Variants in MARCHF1 observed in about 807,000 individuals in gnomAD.
MARCHF1 encodes the protein membrane associated ring-CH-type finger 1.
MARCHF1 carries 40 observed loss-of-function variants against 54.2 expected under a neutral mutation model. The ratio of observed to expected loss-of-function variants is 0.74; its 90% CI spans 0.57 to 0.96. The LOEUF (loss-of-function observed/expected upper bound fraction) is 0.96, where lower values mean the gene tolerates loss of function less well. MARCHF1 is among the 40% of genes least tolerant of loss of function. The pLI is 0.00. For synonymous variants in MARCHF1, 236 were observed against 236.3 expected (o/e 1.00, Z 0.01); for missense variants, 586 against 656.5 (o/e 0.89, Z 1.17).
intron 3 of MARCHF1, among the ~76,000 whole-genome samples, chr4:163,951,071 A>C (rs1028109539): frequency 6.6e-5 from 10 of 152,226 alleles, no homozygotes; most frequent in Admixed American, 6.5e-4. Context: ...CACTTCACTT[A>C]TTTTGATTTT....
At chr4:163,791,546 C>T (rs1025601972) in intron 4 of MARCHF1, among the ~76,000 whole-genome samples, 2 of 152,096 alleles carry the variant, frequency 1.3e-5, no homozygotes, top group African/African-American at 4.8e-5. Flanking sequence ...AAAACCACTT[C>T]TGATTGACAA....
intron 7 of MARCHF1, among the ~76,000 whole-genome samples, chr4:163,586,705 T>C (rs1024053050): frequency 6.6e-6 from 1 of 152,212 alleles, no homozygotes; most frequent in Non-Finnish European, 1.5e-5. Flanking sequence ...CTTTCATATA[T>C]AAAAGTTATG....
At chr4:164,150,690 C>T (rs1431380838) in intron 1 of MARCHF1, among the ~76,000 whole-genome samples, 3 of 152,072 alleles carry the variant, frequency 2.0e-5, no homozygotes, top group Non-Finnish European at 4.4e-5. Flanking sequence ...TTCAACAAGA[C>T]ATGAAAATAG....
chr4:163,840,616 G>C (rs1749310118), intron 4 of MARCHF1, among the ~76,000 whole-genome samples: 1 of 152,074 alleles, frequency 6.6e-6, no homozygotes, highest in Non-Finnish European at 1.5e-5. Flanking sequence ...AAGCAGAGTA[G>C]AATGGTGGTT....
chr4:164,330,339 C>A (rs368386582), intron 1 of MARCHF1, among the ~76,000 whole-genome samples: 1 of 152,264 alleles, frequency 6.6e-6, no homozygotes, highest in East Asian at 1.9e-4. Context: ...GGCAACCAAA[C>A]CTCATGTACA....
chr4:163,531,670 TTATG>T (rs1738357542), intron 9 of MARCHF1, among the ~76,000 whole-genome samples: 1 of 151,908 alleles, frequency 6.6e-6, no homozygotes, highest in South Asian at 2.1e-4. Flanking sequence ...AATGATATGA[TTATG>T]TATAAAATCT....
chr4:164,281,689 A>C (rs1373628028), intron 1 of MARCHF1, among the ~76,000 whole-genome samples: 1 of 152,154 alleles, frequency 6.6e-6, no homozygotes, highest in African/African-American at 2.4e-5. Flanking sequence ...GGTCTTGAAG[A>C]ACCTGAATAA....
At chr4:164,275,252 G>A (rs1252357093) in intron 1 of MARCHF1, among the ~76,000 whole-genome samples, 1 of 152,070 alleles carries the variant, frequency 6.6e-6, no homozygotes, top group African/African-American at 2.4e-5. Context: ...AATTATATAC[G>A]AGGAATTGAG....
intron 2 of MARCHF1, among the ~76,000 whole-genome samples, chr4:164,062,906 G>T (rs1234907626): frequency 1.3e-5 from 2 of 152,130 alleles, no homozygotes; most frequent in East Asian, 1.9e-4. Context: ...TATGTTAGCA[G>T]CCATAAAAAC....
At chr4:163,625,820 C>T (rs1390053062) in intron 5 of MARCHF1, among the ~76,000 whole-genome samples, 2 of 152,112 alleles carry the variant, frequency 1.3e-5, no homozygotes, top group Non-Finnish European at 2.9e-5. Flanking sequence ...AGAGTATGTC[C>T]TTTAACAATT....
intron 2 of MARCHF1, among the ~76,000 whole-genome samples, chr4:164,093,241 A>G (rs1001642777): frequency 2.0e-5 from 3 of 152,104 alleles, no homozygotes; most frequent in African/African-American, 7.2e-5. Flanking sequence ...ACCCAATTGG[A>G]CTATAACTAA....
chr4:164,351,938 C>A (rs1192030674), intron 1 of MARCHF1, among the ~76,000 whole-genome samples: 20 of 149,258 alleles, frequency 1.3e-4, no homozygotes, highest in African/African-American at 4.2e-4. Flanking sequence ...AGCTGAAAAC[C>A]AAGGCTCGAG....
chr4:163,613,283 T>A, intron 6 of MARCHF1, 31 bp downstream of exon 6: 1 of 1,573,150 alleles, frequency 6.4e-7, no homozygotes, highest in Non-Finnish European at 8.6e-7. Context: ...ATCCAAAGAA[T>A]ATAGATTAAG....
intron 1 of MARCHF1, among the ~76,000 whole-genome samples, chr4:164,276,960 A>AGAGG (rs1263147401): frequency 8.1e-6 from 1 of 124,148 alleles, no homozygotes; most frequent in East Asian, 2.2e-4. Flanking sequence ...AGAGAGAGAG[A>AGAGG]GAGAGAGACA....
At chr4:164,196,378 G>C (rs190049986) in intron 1 of MARCHF1, among the ~76,000 whole-genome samples, 2 of 151,968 alleles carry the variant, frequency 1.3e-5, no homozygotes, top group African/African-American at 4.8e-5. Context: ...TGAGATATTT[G>C]AAGCTTATAA....
At chr4:164,315,557 A>G (rs1466431559) in intron 1 of MARCHF1, among the ~76,000 whole-genome samples, 1 of 152,222 alleles carries the variant, frequency 6.6e-6, no homozygotes, top group Non-Finnish European at 1.5e-5. Context: ...GAAAGAAAAC[A>G]TATGGAGACA....
intron 5 of MARCHF1, among the ~76,000 whole-genome samples, chr4:163,618,689 T>A (rs962064882): frequency 2.2e-4 from 34 of 152,268 alleles, no homozygotes; most frequent in African/African-American, 7.7e-4. Flanking sequence ...TCCTAGCTTG[T>A]TTCACTGTCG....
At chr4:163,858,034 A>G (rs1032137465) in intron 3 of MARCHF1, among the ~76,000 whole-genome samples, 5 of 142,700 alleles carry the variant, frequency 3.5e-5, no homozygotes, top group Non-Finnish European at 7.6e-5. Context: ...AATTTACATG[A>G]AAGTTAAAAT....
chr4:163,850,279 GT>G (rs1378627022), intron 4 of MARCHF1, among the ~76,000 whole-genome samples: 2 of 152,226 alleles, frequency 1.3e-5, no homozygotes, highest in Admixed American at 1.3e-4. Context: ...AACCCCTGAG[GT>G]ATCTGTATCT....
Sources: gnomAD v4.1 joint callset for allele counts (sites outside exome capture counted in the v4.1 genomes callset) on GRCh38, gnomAD v4.1.1 for gene constraint, MANE v1.5 for transcripts, NCBI Gene and HGNC (gene_info 2026-07-23, HGNC 2026-07-21) for gene names.